The following TRAF5 variants were observed in gnomAD, a reference collection of about 807,000 sequenced individuals.
TRAF5 encodes the protein TNF receptor-associated factor 5.
TRAF5 carries 48 observed loss-of-function variants against 64.5 expected under a neutral mutation model. The ratio of observed to expected loss-of-function variants is 0.74; its 90% CI spans 0.59 to 0.95. TRAF5 has a LOEUF of 0.95. Ranked by LOEUF, TRAF5 falls within the 40% of genes least tolerant of loss-of-function variation. TRAF5 has a pLI of 0.00. For missense variants in TRAF5, 545 were observed against 662.8 expected (o/e 0.82, Z 1.95); for synonymous variants, 206 against 240.5 (o/e 0.86, Z 1.33).
chr1:211,355,871 C>T (rs1702945728), intron 3 of TRAF5, among the ~76,000 whole-genome samples: 1 of 152,230 alleles, frequency 6.6e-6, no homozygotes, highest in Non-Finnish European at 1.5e-5. Context: ...TGTGCCCATT[C>T]ATTTAAGTAT....
intron 7 of TRAF5, among the ~76,000 whole-genome samples, chr1:211,364,747 T>TTA (rs1703294455): frequency 2.0e-5 from 3 of 151,964 alleles, no homozygotes; most frequent in Admixed American, 2.0e-4. Flanking sequence ...GAGATAGGTT[T>TTA]TATATGGGAA....
At chr1:211,353,609 G>A (rs1702867059) in intron 2 of TRAF5, 152 bp downstream of exon 2, 2 of 711,920 alleles carry the variant, frequency 2.8e-6, no homozygotes, top group East Asian at 2.7e-5. Flanking sequence ...TCCCCTCTGT[G>A]AGGGCCTGAA....
At chr1:211,346,417 T>C in intron 1 of TRAF5, 3 of 985,450 alleles carry the variant, frequency 3.0e-6, no homozygotes, top group Non-Finnish European at 2.4e-6. Flanking sequence ...CACGGTTTCA[T>C]GGATGGTGAG....
intron 4 of TRAF5, chr1:211,359,316 C>T (rs890221155): frequency 6.6e-6 from 1 of 152,228 alleles, no homozygotes; most frequent in Non-Finnish European, 1.5e-5. Context: ...CCATTCCTAG[C>T]TTCTCTTGGG....
intron 3 of TRAF5, 84 bp from the exon 4 acceptor site, chr1:211,356,283 A>T: frequency 8.9e-7 from 1 of 1,128,694 alleles, no homozygotes; most frequent in Non-Finnish European, 1.3e-6. Context: ...TCTGAGATAC[A>T]CTCGAAGACC....
intron 1 of TRAF5, among the ~76,000 whole-genome samples, chr1:211,339,751 G>T (rs1387003330): frequency 6.6e-6 from 1 of 152,158 alleles, no homozygotes; most frequent in Admixed American, 6.5e-5. Flanking sequence ...GTAGCCCTCC[G>T]CCAGGAAGCG....
chr1:211,372,708 G>T lies in TRAF5; in HGVS notation c.*6G>T, dbSNP rs1443534519. The T allele has an allele frequency of 1.2e-6, 2 of 1,611,678 alleles. No individual in the cohort carries two copies. Among genetic ancestry groups the T allele is most frequent in the Admixed American group, 3.3e-5 (2 of 59,898 alleles). On this transcript the variant is annotated 3_prime_UTR_variant, in exon 11 of 11. Transcript: ENST00000261464. ...CTGACCTGGAGGATCTCTAGTCACT[G>T]TTATGGGGTGATAAGAGGACTTCTT... is the stretch of plus-strand genomic sequence containing the variant.
chr1:211,359,772 C>T, intron 4 of TRAF5, 140 bp from the exon 5 acceptor site: 1 of 890,936 alleles, frequency 1.1e-6, no homozygotes, highest in South Asian at 1.8e-5. Flanking sequence ...CCCCTGAGAG[C>T]CTACCCTCTG....
chr1:211,353,709 GACACACA>G, intron 2 of TRAF5: 1 of 505,694 alleles, frequency 2.0e-6, no homozygotes, highest in Admixed American at 3.2e-5. Flanking sequence ...AGCAGACCTA[GACACACA>G]CTCCATCATG....
At chr1:211,335,981 T>G (rs2102714780) in intron 1 of TRAF5, among the ~76,000 whole-genome samples, 1 of 152,132 alleles carries the variant, frequency 6.6e-6, no homozygotes, top group South Asian at 2.1e-4. Flanking sequence ...GATCTCTGTT[T>G]TTTTTTGCTG....
In TRAF5 at chr1:211,354,482, G is replaced by T; in HGVS notation, c.276+15G>T. 6.2e-7 allele frequency: 1 copy of T among 1,613,494 alleles called. No individual in the cohort carries two copies. On this transcript the variant is annotated intron_variant, in intron 3 of 10. Coordinates refer to ENST00000261464, the MANE Select transcript of TRAF5 (RefSeq NM_001033910.3). ...AATCTCAGGAGGTAAGAAAGTCACT[G>T]CTTTTGTCTAGCAGCTCTCAGGGTG...
chr1:211,372,716 G>A lies in TRAF5; in HGVS notation c.*14G>A. The A allele has an allele frequency of 6.2e-7, 1 of 1,609,056 alleles. No individual in the cohort carries two copies. Among genetic ancestry groups the A allele is most frequent in the South Asian group, 1.1e-5 (1 of 90,806 alleles). ...GAGGATCTCTAGTCACTGTTATGGG[G>A]TGATAAGAGGACTTCTTGGGGCCAG... On this transcript the variant is annotated 3_prime_UTR_variant, in exon 11 of 11. Coordinates refer to ENST00000261464, the MANE Select transcript of TRAF5 (RefSeq NM_001033910.3).
At chr1:211,331,582 G>C (rs953017451) in intron 1 of TRAF5, among the ~76,000 whole-genome samples, 11 of 152,154 alleles carry the variant, frequency 7.2e-5, no homozygotes, top group Non-Finnish European at 1.0e-4. Context: ...GGTTTCTGGG[G>C]AGCTGGAAAC....
intron 1 of TRAF5, among the ~76,000 whole-genome samples, chr1:211,331,474 T>G (rs554267712): frequency 6.6e-6 from 1 of 152,192 alleles, no homozygotes; most frequent in Non-Finnish European, 1.5e-5. Flanking sequence ...CTGGAAAGAT[T>G]AAATGAGTCA....
chr1:211,326,823 G>A, upstream of TRAF5: 6 of 984,374 alleles, frequency 6.1e-6, no homozygotes, highest in Non-Finnish European at 7.2e-6. The surrounding 1 kb of genome is among the most constrained non-coding windows in gnomAD (Gnocchi z 5.0). Flanking sequence ...CGCCGCCGCC[G>A]GCCGCAGCCA....
intron 1 of TRAF5, among the ~76,000 whole-genome samples, chr1:211,349,184 G>A (rs1702707087): frequency 6.6e-6 from 1 of 152,120 alleles, no homozygotes; most frequent in African/African-American, 2.4e-5. Context: ...CTCCAGCCTG[G>A]GCTACAGAGT....
intron 5 of TRAF5, chr1:211,360,483 G>T: frequency 1.9e-6 from 1 of 532,256 alleles, no homozygotes; most frequent in East Asian, 3.1e-5. Flanking sequence ...TGAATCCTGT[G>T]TTCTATGACT....
At chr1:211,336,771 T>G (rs1238411971) in intron 1 of TRAF5, among the ~76,000 whole-genome samples, 1 of 152,250 alleles carries the variant, frequency 6.6e-6, no homozygotes. Context: ...GTGATTCTTA[T>G]GCCTCAGCCT....
chr1:211,353,747 G>T, intron 2 of TRAF5: 1 of 437,752 alleles, frequency 2.3e-6, no homozygotes, highest in South Asian at 2.2e-5. Flanking sequence ...GTGGAGAAGG[G>T]CTTGAATCTC....
Sources: gnomAD v4.1 joint callset for allele counts (sites outside exome capture counted in the v4.1 genomes callset) on GRCh38, gnomAD v4.1.1 for gene constraint, Gnocchi (gnomAD v3.1) non-coding constraint, MANE v1.5 for transcripts, NCBI Gene and HGNC (gene_info 2026-07-23, HGNC 2026-07-21) for gene names.